ADK: variants seen among roughly 807,000 people sequenced by gnomAD.
ADK encodes adenosine kinase.
A neutral mutation model predicts 44.7 loss-of-function variants in ADK; 24 were observed. That is an observed-to-expected ratio of 0.54 (90% CI 0.39 to 0.76). ADK has a LOEUF of 0.76. Ranked by LOEUF, ADK falls within the 30% of genes least tolerant of loss-of-function variation. ADK has a pLI of 0.00. For synonymous variants in ADK, 128 were observed against 142.6 expected (o/e 0.90, Z 0.73); for missense variants, 321 against 425.1 (o/e 0.76, Z 2.15).
At chr10:74,207,366 A>G (rs1843643970) in intron 2 of ADK, among the ~76,000 whole-genome samples, 2 of 152,204 alleles carry the variant, frequency 1.3e-5, no homozygotes, top group African/African-American at 4.8e-5. Flanking sequence ...GGGGTGAGGC[A>G]TATTTTAGCT....
intron 4 of ADK, among the ~76,000 whole-genome samples, chr10:74,325,584 A>AT (rs1459328697): frequency 2.0e-5 from 3 of 152,098 alleles, no homozygotes; most frequent in Non-Finnish European, 2.9e-5. Context: ...AAAGCTTTCA[A>AT]TTTTTCCCCA....
chr10:74,625,582 T>C (rs1853164281), intron 9 of ADK, among the ~76,000 whole-genome samples: 1 of 152,160 alleles, frequency 6.6e-6, no homozygotes, highest in Non-Finnish European at 1.5e-5. Context: ...GATCAACAAA[T>C]ACTAAAGATG....
chr10:74,520,274 CTATTA>C (rs549212943), intron 6 of ADK, among the ~76,000 whole-genome samples: 229 of 151,756 alleles, frequency 1.5e-3, no homozygotes, highest in Non-Finnish European at 2.7e-3. Flanking sequence ...ATATTCTTCC[CTATTA>C]TATTCTGATC....
chr10:74,328,502 A>G (rs544478606), intron 4 of ADK, among the ~76,000 whole-genome samples: 6 of 152,128 alleles, frequency 3.9e-5, no homozygotes, highest in African/African-American at 1.4e-4. Context: ...CTGTGTCCCC[A>G]CCCAAACCTC....
chr10:74,426,785 T>C lies in ADK; in HGVS notation c.555+28206T>C, dbSNP rs555551969. ...AACAAACAAGTGAACTTAATTCATT[T>C]TTTTTTCTTATTTTTTTATTATTAT... is the stretch of plus-strand genomic sequence containing the variant. On this transcript the variant is annotated intron_variant, in intron 6 of 10. Transcript: ENST00000539909. 2.9e-3 allele frequency among the ~76,000 whole-genome samples: 438 copies of C among 152,318 alleles called. 2 individuals are homozygous for C. The highest frequency in any genetic ancestry group is 5.2e-3 in the Non-Finnish European group (356 of 68,024).
chr10:74,342,690 G>T (rs1425695080), intron 4 of ADK, among the ~76,000 whole-genome samples: 1 of 151,940 alleles, frequency 6.6e-6, no homozygotes, highest in African/African-American at 2.4e-5. Flanking sequence ...GCCCAGGCTG[G>T]TCTCGAACTC....
chr10:74,588,611 C>T (rs924146089), intron 7 of ADK, among the ~76,000 whole-genome samples: 4 of 152,158 alleles, frequency 2.6e-5, no homozygotes, highest in Non-Finnish European at 5.9e-5. Context: ...GTGAACTTCA[C>T]ACTGCATCAC....
At chr10:74,414,350 A>T (rs1844292386) in intron 6 of ADK, among the ~76,000 whole-genome samples, 1 of 152,218 alleles carries the variant, frequency 6.6e-6, no homozygotes, top group South Asian at 2.1e-4. Context: ...TATGTTATTG[A>T]TGTTCAGTGA....
At chr10:74,346,469 G>A (rs913175154) in intron 4 of ADK, among the ~76,000 whole-genome samples, 4 of 151,102 alleles carry the variant, frequency 2.6e-5, no homozygotes, top group African/African-American at 7.4e-5. Context: ...GGGCTTTTGA[G>A]TTACATTTCT....
chr10:74,632,786 TACA>T (rs898988450), intron 9 of ADK, among the ~76,000 whole-genome samples: 31 of 152,340 alleles, frequency 2.0e-4, no homozygotes, highest in Middle Eastern at 6.8e-3. Flanking sequence ...CATATAGAGA[TACA>T]ACATTTTATT....
At chr10:74,308,451 G>GT (rs540434588) in intron 3 of ADK, among the ~76,000 whole-genome samples, 31 of 152,150 alleles carry the variant, frequency 2.0e-4, no homozygotes, top group Non-Finnish European at 4.3e-4. Flanking sequence ...TGACATTTGA[G>GT]TTTTTTAAAA....
rs879846320 is a variant in ADK, at chr10:74,282,486, A to G, written c.195-32181A>G. ...TGGATCATTTAAAATGTACTAAAAT[A>G]TTACGAATAGCCATAAAATATAATA... On this transcript the variant is annotated intron_variant, in intron 3 of 10. Coordinates refer to ENST00000539909, the MANE Select transcript of ADK (RefSeq NM_006721.4). Among the ~76,000 whole-genome samples the G allele has an allele frequency of 3.0e-4, 46 of 152,330 alleles. No homozygotes were observed. The Middle Eastern group carries it at 0.014, about 45-fold the overall frequency.
chr10:74,596,974 C>G (rs544003426), intron 8 of ADK, among the ~76,000 whole-genome samples: 1 of 152,266 alleles, frequency 6.6e-6, no homozygotes, highest in Admixed American at 6.5e-5. Flanking sequence ...GTACATGGCT[C>G]ACAGCTCAAT....
intron 3 of ADK, among the ~76,000 whole-genome samples, chr10:74,225,785 A>C (rs550413706): frequency 1.3e-5 from 2 of 152,114 alleles, no homozygotes; most frequent in Non-Finnish European, 2.9e-5. Flanking sequence ...TATTGTCAAG[A>C]AATTTTTTTG....
chr10:74,208,558 T>G (rs10762582), intron 2 of ADK, among the ~76,000 whole-genome samples: 25,901 of 152,078 alleles, frequency 0.17, 2,581 homozygotes, highest in African/African-American at 0.28. Context: ...AAAAAACAAG[T>G]CTTTGGACCC....
At chr10:74,241,782 A>C (rs1845219145) in intron 3 of ADK, among the ~76,000 whole-genome samples, 1 of 152,246 alleles carries the variant, frequency 6.6e-6, no homozygotes, top group Admixed American at 6.5e-5. Context: ...AGTTCACAGC[A>C]GCCTGCAGCT....
intron 7 of ADK, among the ~76,000 whole-genome samples, chr10:74,576,795 T>A (rs964972972): frequency 8.5e-5 from 13 of 152,266 alleles, no homozygotes; most frequent in South Asian, 4.2e-4. Flanking sequence ...CATTGTGTTG[T>A]TGATACCCAA....
At chr10:74,618,206 A>C (rs1487349315) in intron 9 of ADK, among the ~76,000 whole-genome samples, 1 of 152,014 alleles carries the variant, frequency 6.6e-6, no homozygotes, top group African/African-American at 2.4e-5. Flanking sequence ...CATATCTTAC[A>C]TCTTACTCTT....
At chr10:74,528,806 C>T (rs1034639367) in intron 7 of ADK, among the ~76,000 whole-genome samples, 1 of 152,006 alleles carries the variant, frequency 6.6e-6, no homozygotes, top group Non-Finnish European at 1.5e-5. Context: ...CAAATCAAAA[C>T]CAAAATTAGA....
Sources: gnomAD v4.1 joint callset for allele counts (sites outside exome capture counted in the v4.1 genomes callset) on GRCh38, gnomAD v4.1.1 for gene constraint, MANE v1.5 for transcripts, NCBI Gene and HGNC (gene_info 2026-07-23, HGNC 2026-07-21) for gene names.